KCND2: variants seen among roughly 807,000 people sequenced by gnomAD.
KCND2 encodes A-type voltage-gated potassium channel KCND2.
In KCND2, 16 loss-of-function variants were observed where a neutral mutation model predicts 54.4. That is an observed-to-expected ratio of 0.29 (90% CI 0.20 to 0.45). The LOEUF is 0.45. Among genes scored for constraint, KCND2 ranks in the 20% least tolerant of loss-of-function variants. The pLI is 1.00. For missense variants in KCND2, 486 were observed against 824.2 expected, an observed-to-expected ratio of 0.59 and a Z score of 5.02; for synonymous variants, 317 against 310.7, an observed-to-expected ratio of 1.02 and a Z score of -0.21.
At chr7:120,460,823 G>T (rs1802273910) in intron 1 of KCND2, among the ~76,000 whole-genome samples, 1 of 152,056 alleles carries the variant, frequency 6.6e-6, no homozygotes, top group African/African-American at 2.4e-5. Context: ...ACGCGTGGAA[G>T]ACAAAAAGAT....
intron 1 of KCND2, among the ~76,000 whole-genome samples, chr7:120,595,479 ATGTG>A (rs1554373359): frequency 3.2e-5 from 1 of 30,928 alleles, no homozygotes; most frequent in African/African-American, 8.1e-5. Flanking sequence ...ATATATATAT[ATGTG>A]TATATATATA....
intron 1 of KCND2, among the ~76,000 whole-genome samples, chr7:120,608,489 C>A (rs995258887): frequency 1.3e-5 from 2 of 152,126 alleles, no homozygotes; most frequent in Non-Finnish European, 2.9e-5. Context: ...CCAGTTTCTT[C>A]AGCCTAAATT....
At chr7:120,538,935 A>G (rs1266678601) in intron 1 of KCND2, among the ~76,000 whole-genome samples, 2 of 152,178 alleles carry the variant, frequency 1.3e-5, no homozygotes, top group African/African-American at 4.8e-5. Flanking sequence ...TTTATAGTAA[A>G]GGAAACACTA....
chr7:120,450,325 G>A (rs764534003), intron 1 of KCND2, among the ~76,000 whole-genome samples: 3 of 152,244 alleles, frequency 2.0e-5, no homozygotes, highest in Non-Finnish European at 2.9e-5. Context: ...CAGGAGAATC[G>A]ATTTAACCTG....
chr7:120,531,595 T>C (rs951384234), intron 1 of KCND2, among the ~76,000 whole-genome samples: 1 of 152,132 alleles, frequency 6.6e-6, no homozygotes, highest in Non-Finnish European at 1.5e-5. Context: ...TATTACCTTG[T>C]TTCTCGATAT....
At chr7:120,647,677 T>G (rs1439487908) in intron 1 of KCND2, among the ~76,000 whole-genome samples, 1 of 152,234 alleles carries the variant, frequency 6.6e-6, no homozygotes, top group Non-Finnish European at 1.5e-5. Flanking sequence ...TAATTACTGT[T>G]TAGTACAATA....
At chr7:120,644,143 T>C (rs2116534865) in intron 1 of KCND2, among the ~76,000 whole-genome samples, 1 of 152,188 alleles carries the variant, frequency 6.6e-6, no homozygotes, top group African/African-American at 2.4e-5. Flanking sequence ...GATTGAGAGT[T>C]TCAGATAATA....
chr7:120,584,783 CTT>C (rs1453843326), intron 1 of KCND2, among the ~76,000 whole-genome samples: 2 of 152,126 alleles, frequency 1.3e-5, no homozygotes, highest in African/African-American at 4.8e-5. Context: ...CACACACACA[CTT>C]TGGGTGAAAG....
chr7:120,297,523 C>G (rs1429731055), intron 1 of KCND2, among the ~76,000 whole-genome samples: 1 of 152,020 alleles, frequency 6.6e-6, no homozygotes, highest in East Asian at 1.9e-4. Context: ...TACAAGAGTG[C>G]AGATATCTTG....
chr7:120,515,636 A>G (rs1803184587), intron 1 of KCND2, among the ~76,000 whole-genome samples: 1 of 152,058 alleles, frequency 6.6e-6, no homozygotes, highest in African/African-American at 2.4e-5. Flanking sequence ...AGAGACTCCT[A>G]CAGAGTTGGG....
intron 1 of KCND2, among the ~76,000 whole-genome samples, chr7:120,399,348 A>G (rs1801206423): frequency 6.6e-6 from 1 of 151,952 alleles, no homozygotes; most frequent in Admixed American, 6.6e-5. Context: ...TGGTTCTTAC[A>G]TTACATAAGA....
intron 1 of KCND2, among the ~76,000 whole-genome samples, chr7:120,324,803 G>A (rs1304919789): frequency 6.6e-6 from 1 of 151,532 alleles, no homozygotes; most frequent in Admixed American, 6.6e-5. Context: ...GGTTCCATAT[G>A]AACTTTAAAG....
At chr7:120,372,688 A>G (rs1025668730) in intron 1 of KCND2, among the ~76,000 whole-genome samples, 3 of 151,894 alleles carry the variant, frequency 2.0e-5, no homozygotes, top group African/African-American at 7.2e-5. Flanking sequence ...ATTTGAAATG[A>G]TAACTCTAGA....
At chr7:120,417,555 G>A (rs190692385) in intron 1 of KCND2, among the ~76,000 whole-genome samples, 31 of 152,250 alleles carry the variant, frequency 2.0e-4, no homozygotes, top group Non-Finnish European at 3.4e-4. Context: ...TATTGTGGCT[G>A]TAAAAAATCT....
intron 1 of KCND2, among the ~76,000 whole-genome samples, chr7:120,342,628 A>G (rs1051235686): frequency 6.6e-6 from 1 of 152,180 alleles, no homozygotes; most frequent in Non-Finnish European, 1.5e-5. Context: ...CTTTTGTAGT[A>G]AATACTAAAG....
At chr7:120,482,740 C>T (rs905963453) in intron 1 of KCND2, among the ~76,000 whole-genome samples, 1 of 152,126 alleles carries the variant, frequency 6.6e-6, no homozygotes, top group Non-Finnish European at 1.5e-5. Context: ...GCTTCCATAA[C>T]TGTGAGCCTA....
intron 1 of KCND2, among the ~76,000 whole-genome samples, chr7:120,634,329 T>C (rs972274968): frequency 6.6e-6 from 1 of 152,160 alleles, no homozygotes; most frequent in Non-Finnish European, 1.5e-5. Flanking sequence ...TACATAATGA[T>C]TGGGTAGTAT....
chr7:120,513,686 TTTTG>T lies in KCND2; in HGVS notation c.1116-219209_1116-219206del, dbSNP rs1438660538. On this transcript the variant is annotated intron_variant, in intron 1 of 5. Transcript: ENST00000331113. Reference sequence around the variant, plus strand: ...GAGAGTTTGGTTTGTTGATTTCGTTTTTTGTTTGTTTTTTACTTTTTTTTACTTT... The same window carrying T: ...GAGAGTTTGGTTTGTTGATTTCGTTTTTTGTTTTTTACTTTTTTTTACTTT... 5.3e-5 allele frequency among the ~76,000 whole-genome samples: 8 copies of T among 152,228 alleles called. No individual in the cohort carries two copies. The Middle Eastern group carries it at 0.014, about 259-fold the overall frequency.
At chr7:120,691,045 A>G (rs1792262417) in intron 1 of KCND2, among the ~76,000 whole-genome samples, 1 of 152,058 alleles carries the variant, frequency 6.6e-6, no homozygotes, top group South Asian at 2.1e-4. Flanking sequence ...ACGCAAGTGC[A>G]AAGGTCCTGA....
Sources: allele counts gnomAD v4.1 joint callset (sites outside exome capture counted in the v4.1 genomes callset), GRCh38; gene constraint gnomAD v4.1.1; transcripts MANE v1.5; gene names NCBI Gene and HGNC (gene_info 2026-07-23, HGNC 2026-07-21).